NRG3: variants seen among roughly 807,000 people sequenced by gnomAD.
The protein encoded by NRG3 is neuregulin 3, also known as pro-neuregulin-3, membrane-bound isoform.
Under a neutral mutation model 66.9 loss-of-function variants are expected in NRG3, and 31 were observed. The ratio of observed to expected loss-of-function variants is 0.46; its 90% CI spans 0.35 to 0.63. The LOEUF is 0.63. Ranked by LOEUF, NRG3 falls within the 20% of genes least tolerant of loss-of-function variation. The probability of loss-of-function intolerance (pLI) is 0.00; values close to 1 mark genes in which losing one functional copy is unlikely to be tolerated. For synonymous variants in NRG3, 393 were observed against 359.4 expected (o/e 1.09, Z -1.06); for missense variants, 910 against 878.9 (o/e 1.04, Z -0.45).
At chr10:82,577,650 G>A (rs562311001) in intron 2 of NRG3, among the ~76,000 whole-genome samples, 42 of 151,500 alleles carry the variant, frequency 2.8e-4, no homozygotes, top group Admixed American at 7.9e-4. Flanking sequence ...CCTTGAACTC[G>A]GTAAACACTG....
chr10:82,440,890 T>A (rs2090400876), intron 2 of NRG3, among the ~76,000 whole-genome samples: 1 of 152,192 alleles, frequency 6.6e-6, no homozygotes, highest in African/African-American at 2.4e-5. Flanking sequence ...CAAATGGCAG[T>A]TTTATTGTTT....
intron 4 of NRG3, among the ~76,000 whole-genome samples, chr10:82,924,538 T>G (rs913155467): frequency 1.3e-5 from 2 of 151,770 alleles, no homozygotes; most frequent in African/African-American, 4.8e-5. Context: ...CATATCTGAT[T>G]TTCGAAGTCT....
intron 2 of NRG3, among the ~76,000 whole-genome samples, chr10:82,701,708 G>T (rs1391063849): frequency 2.0e-5 from 3 of 152,134 alleles, no homozygotes; most frequent in Non-Finnish European, 4.4e-5. Context: ...CTTTACATTT[G>T]TTGAGCACTT....
intron 1 of NRG3, among the ~76,000 whole-genome samples, chr10:82,267,243 T>C (rs2078345121): frequency 6.6e-6 from 1 of 152,168 alleles, no homozygotes; most frequent in South Asian, 2.1e-4. Context: ...AGACTGACTA[T>C]CACATGCATA....
intron 1 of NRG3, among the ~76,000 whole-genome samples, chr10:82,338,047 A>G (rs530345935): frequency 1.3e-5 from 2 of 152,364 alleles, no homozygotes; most frequent in African/African-American, 4.8e-5. Context: ...GAAGATGTAC[A>G]TCTTACAGAG....
rs1591164246 is a variant in NRG3 at position 82,685,105 on chromosome 10, G to A, written c.954-53472G>A. On this transcript the variant is annotated intron_variant, in intron 2 of 8. Transcript: ENST00000372141. ...AAGAAAAAATATGAAAAATGAACAA[G>A]CAAGACTATGTAGATGGCCGAATAG... Among the ~76,000 whole-genome samples the A allele has an allele frequency of 3.3e-5, 5 of 151,802 alleles. No homozygotes were observed. In the South Asian group the frequency reaches 1.0e-3, roughly 31 times the overall value.
intron 1 of NRG3, among the ~76,000 whole-genome samples, chr10:82,281,422 G>A (rs1053898337): frequency 1.3e-5 from 2 of 152,106 alleles, no homozygotes; most frequent in East Asian, 1.9e-4. Flanking sequence ...CAAAGACCTG[G>A]GGTACTAGAT....
At chr10:82,346,555 G>A (rs1268128488) in intron 1 of NRG3, among the ~76,000 whole-genome samples, 1 of 152,034 alleles carries the variant, frequency 6.6e-6, no homozygotes, top group Admixed American at 6.6e-5. Flanking sequence ...GCCCAGCTTT[G>A]GTATCAGAAT....
rs1030717010 is a variant in NRG3 at position 82,178,737 on chromosome 10, A to G, written c.824-180002A>G. On this transcript the variant is annotated intron_variant, in intron 1 of 8. Coordinates refer to ENST00000372141, the MANE Select transcript of NRG3 (RefSeq NM_001010848.4). ...TTCAGTTATGTTAGATAAATACCCA[A>G]AAGTAGGATGGCTCAATCATATTAT... 2.0e-5 allele frequency among the ~76,000 whole-genome samples: 3 copies of G among 152,244 alleles called. No individual in the cohort carries two copies. In the East Asian group the frequency reaches 5.8e-4, roughly 29 times the overall value.
At chr10:82,721,775 G>A (rs2057335537) in intron 2 of NRG3, among the ~76,000 whole-genome samples, 1 of 152,142 alleles carries the variant, frequency 6.6e-6, no homozygotes, top group Non-Finnish European at 1.5e-5. Flanking sequence ...CTATTTGAGA[G>A]AATATCCCCT....
intron 1 of NRG3, among the ~76,000 whole-genome samples, chr10:82,025,891 A>C (rs1046242891): frequency 7.9e-5 from 12 of 151,956 alleles, no homozygotes; most frequent in African/African-American, 2.4e-4. Flanking sequence ...GCACCCTTGA[A>C]AACTTTCCTC....
chr10:82,944,473 T>C (rs551068255), intron 4 of NRG3, among the ~76,000 whole-genome samples: 2 of 152,216 alleles, frequency 1.3e-5, no homozygotes, highest in Non-Finnish European at 2.9e-5. Context: ...GGCACAAATA[T>C]TTATTTGTTT....
At chr10:82,538,536 G>T (rs1238008650) in intron 2 of NRG3, among the ~76,000 whole-genome samples, 1 of 151,982 alleles carries the variant, frequency 6.6e-6, no homozygotes, top group Non-Finnish European at 1.5e-5. Context: ...TCTGTTATCA[G>T]TTTTTTTGTG....
chr10:81,944,899 C>T (rs893635025), intron 1 of NRG3, among the ~76,000 whole-genome samples: 2 of 152,126 alleles, frequency 1.3e-5, no homozygotes, highest in Admixed American at 1.3e-4. Context: ...ATGATCTAGA[C>T]CTCTGGGGTG....
intron 2 of NRG3, among the ~76,000 whole-genome samples, chr10:82,513,802 T>C (rs1845416116): frequency 6.6e-6 from 1 of 152,036 alleles, no homozygotes; most frequent in Non-Finnish European, 1.5e-5. Context: ...TAAAATAAAA[T>C]AAAAATAGTT....
Position 82,918,964 on chromosome 10 carries a change from T to A in NRG3, c.1055-32505T>A, listed in dbSNP as rs974609647. Among the ~76,000 whole-genome samples, 5 of 152,054 alleles carry A rather than the reference T, an allele frequency of 3.3e-5. No homozygotes were observed. In the East Asian group the frequency reaches 9.6e-4, roughly 29 times the overall value. On this transcript the variant is annotated intron_variant, in intron 4 of 8. Transcript: ENST00000372141. ...GTCTAGTAATCCTACCTGTTCTAGG[T>A]TTCTGAAATCACTGCTTTAAGGCAG...
At chr10:82,178,123 C>A (rs1416311329) in intron 1 of NRG3, among the ~76,000 whole-genome samples, 1 of 151,924 alleles carries the variant, frequency 6.6e-6, no homozygotes, top group Non-Finnish European at 1.5e-5. Context: ...AAAAATAAAA[C>A]CAATGTATTA....
At chr10:81,963,355 G>T (rs971227441) in intron 1 of NRG3, among the ~76,000 whole-genome samples, 1 of 150,888 alleles carries the variant, frequency 6.6e-6, no homozygotes, top group Admixed American at 6.6e-5. Flanking sequence ...GGATGGTCTC[G>T]ATCTCCTGAC....
intron 1 of NRG3, among the ~76,000 whole-genome samples, chr10:82,169,959 T>A (rs543314937): frequency 1.8e-4 from 27 of 150,550 alleles, no homozygotes; most frequent in Middle Eastern, 3.4e-3. Context: ...AATTAGCTTC[T>A]CAGATAAGAT....
Sources: allele counts gnomAD v4.1 joint callset (sites outside exome capture counted in the v4.1 genomes callset), GRCh38; gene constraint gnomAD v4.1.1; transcripts MANE v1.5; gene names NCBI Gene and HGNC (gene_info 2026-07-23, HGNC 2026-07-21).